The following NCAPD2 variants were observed in gnomAD, a reference collection of about 807,000 sequenced individuals.
The protein encoded by NCAPD2 is condensin complex subunit 1.
In NCAPD2, 100 loss-of-function variants were observed where a neutral mutation model predicts 164.5. The observed-to-expected ratio is 0.61, with a 90% CI of 0.52 to 0.72. NCAPD2 has a LOEUF of 0.72. NCAPD2 is among the 30% of genes least tolerant of loss of function. The pLI, the probability that NCAPD2 is intolerant of heterozygous loss-of-function variation, is 0.00. For synonymous variants in NCAPD2, 585 were observed against 642.6 expected (o/e 0.91, Z 1.36); for missense variants, 1,560 against 1,749.2 (o/e 0.89, Z 1.93).
At chr12:6,504,233 A>ATG (rs1946077772) in intron 2 of NCAPD2, among the ~76,000 whole-genome samples, 2 of 93,650 alleles carry the variant, frequency 2.1e-5, no homozygotes, top group African/African-American at 7.7e-5. Context: ...AGATATATAT[A>ATG]TATATATATA....
At chr12:6,502,650 AAATT>A (rs1946048732) in intron 2 of NCAPD2, among the ~76,000 whole-genome samples, 1 of 152,018 alleles carries the variant, frequency 6.6e-6, no homozygotes, top group East Asian at 1.9e-4. Context: ...GGGGAATAGT[AAATT>A]AAGATAGATA....
At chr12:6,516,688 AC>A (rs1459500478) in intron 9 of NCAPD2, 139 bp from the exon 10 acceptor site, 4 of 817,774 alleles carry the variant, frequency 4.9e-6, no homozygotes, top group Admixed American at 2.7e-5. Context: ...TCTCTGAGCA[AC>A]AAGTCCTCTT....
At position 6,518,516 on chromosome 12, in the gene NCAPD2, T is replaced by G. The variant is rs1013438990; in HGVS notation, c.1589+557T>G. On this transcript the variant is annotated intron_variant, in intron 13 of 31. Transcript: ENST00000315579. ...CAGCCGTCAACAAGTTTTTTTTTTTTTTTTTTTTTTTTTTTTTTGAGATGG... is the reference window on the plus strand; with the variant it reads ...CAGCCGTCAACAAGTTTTTTTTTTTGTTTTTTTTTTTTTTTTTTGAGATGG... Among the ~76,000 whole-genome samples, 20 of 110,402 alleles carry G rather than the reference T, an allele frequency of 1.8e-4. 2 individuals carry two copies. Among genetic ancestry groups the G allele is most frequent in the African/African-American group, 3.8e-4 (10 of 26,316 alleles). The allele number at this position is 110,402 out of a possible 152,430, so 72.4% of individuals were successfully genotyped here.
intron 6 of NCAPD2, 37 bp downstream of exon 6, chr12:6,511,289 G>A: frequency 6.3e-7 from 1 of 1,599,346 alleles, no homozygotes; most frequent in Non-Finnish European, 8.5e-7. Context: ...ATACTGAGCT[G>A]TGAGAGTGAG....
intron 2 of NCAPD2, among the ~76,000 whole-genome samples, chr12:6,504,202 T>TATATATATATATACAC: frequency 4.5e-5 from 1 of 22,024 alleles, no homozygotes; most frequent in South Asian, 9.4e-4. Context: ...TATATATATA[T>TATATATATATATACAC]ATATATATAT....
chr12:6,525,781 T>C (rs1215096547), intron 18 of NCAPD2, 65 bp downstream of exon 18: 11 of 1,580,688 alleles, frequency 7.0e-6, no homozygotes, highest in Non-Finnish European at 6.9e-6. Flanking sequence ...AGGGCTCCTT[T>C]TCCTTCAGTG....
intron 6 of NCAPD2, among the ~76,000 whole-genome samples, chr12:6,513,733 T>G (rs1946173077): frequency 8.0e-6 from 1 of 124,238 alleles, no homozygotes; most frequent in East Asian, 2.7e-4. Context: ...TTTTTTTTTT[T>G]GTGATGGAGT....
chr12:6,517,319 G>A, intron 10 of NCAPD2, 46 bp from the exon 11 acceptor site: 1 of 1,598,834 alleles, frequency 6.3e-7, no homozygotes, highest in African/African-American at 1.3e-5. Context: ...GAACAAAATG[G>A]ATGATGTGGG....
chr12:6,510,156 G>A, intron 4 of NCAPD2, 23 bp downstream of exon 4: 1 of 1,583,070 alleles, frequency 6.3e-7, no homozygotes. Flanking sequence ...CAGGGGGTAG[G>A]GGATGGAAGG....
chr12:6,528,409 T>C lies in NCAPD2; in HGVS notation c.3299+81T>C, dbSNP rs1042501420. On this transcript the variant is annotated intron_variant, in intron 25 of 31. Coordinates refer to ENST00000315579, the MANE Select transcript of NCAPD2 (RefSeq NM_014865.4). This position sits in a 1 kb window ranked among gnomAD's most constrained non-coding sequence, Gnocchi z 5.1. ...GAGTCAGTGTGAGAATCACCAGGGC[T>C]CTTCCCCTAGGCTTTGGCATCACCG... 7.0e-6 allele frequency: 11 copies of C among 1,571,718 alleles called. No homozygotes were observed. Among genetic ancestry groups the C allele is most frequent in the Non-Finnish European group, 9.6e-6 (11 of 1,145,850 alleles).
rs1946183667 is a variant in NCAPD2, at chr12:6,514,763, C to G, written c.840-10C>G. On this transcript the variant is annotated splice_polypyrimidine_tract_variant and intron_variant, in intron 8 of 31. Transcript: ENST00000315579. ...TATGTTGCTATGGCTGTGTTTTCTT[C>G]CCTGTGTAGAGAGATTGGACAAAAG... is the stretch of plus-strand genomic sequence containing the variant. 6.2e-7 allele frequency: 1 copy of G among 1,613,880 alleles called. No individual in the cohort carries two copies.
chr12:6,508,293 A>G (rs981092686), intron 2 of NCAPD2, among the ~76,000 whole-genome samples: 2 of 152,318 alleles, frequency 1.3e-5, no homozygotes, highest in East Asian at 3.9e-4. Flanking sequence ...CTATGTTTGC[A>G]CCACTGCATT....
At chr12:6,505,421 T>C (rs1243147931) in intron 2 of NCAPD2, among the ~76,000 whole-genome samples, 1 of 152,196 alleles carries the variant, frequency 6.6e-6, no homozygotes, top group African/African-American at 2.4e-5. Flanking sequence ...GATTAACATC[T>C]CAGAGTTTTT....
At chr12:6,498,035 G>A (rs1335713666) in intron 2 of NCAPD2, among the ~76,000 whole-genome samples, 3 of 151,716 alleles carry the variant, frequency 2.0e-5, no homozygotes, top group South Asian at 2.1e-4. Flanking sequence ...TCAGCCGCCC[G>A]AGTAGCTGGG....
chr12:6,510,390 A>G (rs752126287), intron 4 of NCAPD2: 3 of 779,588 alleles, frequency 3.8e-6, no homozygotes, highest in African/African-American at 3.4e-5. Flanking sequence ...CCTCTTTTTA[A>G]TAGGGGTGAT....
intron 1 of NCAPD2, 83 bp from the exon 2 acceptor site, chr12:6,494,993 G>C (rs953868129): frequency 6.4e-6 from 9 of 1,401,644 alleles, no homozygotes; most frequent in Non-Finnish European, 8.8e-6. Flanking sequence ...CATTATATAT[G>C]TTGGGGATGG....
At chr12:6,504,228 T>TACATATATAC (rs1159424979) in intron 2 of NCAPD2, among the ~76,000 whole-genome samples, 5 of 55,880 alleles carry the variant, frequency 8.9e-5, no homozygotes, top group African/African-American at 3.6e-4. Flanking sequence ...GATATAGATA[T>TACATATATAC]ATATATATAT....
At chr12:6,496,041 C>A (rs1945979911) in intron 2 of NCAPD2, among the ~76,000 whole-genome samples, 1 of 150,720 alleles carries the variant, frequency 6.6e-6, no homozygotes, top group African/African-American at 2.4e-5. Context: ...TGCTAGATTG[C>A]AACTTCTTTT....
At position 6,531,097 on chromosome 12, in the gene NCAPD2, C is replaced by T. The variant is rs143614501; in HGVS notation, c.4120+21C>T. 1 of 1,612,246 alleles carries T rather than the reference C, an allele frequency of 6.2e-7. No individual in the cohort carries two copies. The highest frequency in any genetic ancestry group is 8.5e-7 in the Non-Finnish European group (1 of 1,179,882). Reference sequence around the variant, plus strand: ...GGAAGGTATGATGCTCCCGCCTGTTCCCGGCCGAGAAGGCACACAGCTAGG... The same window carrying T: ...GGAAGGTATGATGCTCCCGCCTGTTTCCGGCCGAGAAGGCACACAGCTAGG... On this transcript the variant is annotated intron_variant, in intron 31 of 31. Coordinates refer to ENST00000315579, the MANE Select transcript of NCAPD2 (RefSeq NM_014865.4). This position sits in a 1 kb window ranked among gnomAD's most constrained non-coding sequence, Gnocchi z 4.1.
Sources: gnomAD v4.1 joint callset for allele counts (sites outside exome capture counted in the v4.1 genomes callset) on GRCh38, gnomAD v4.1.1 for gene constraint, Gnocchi (gnomAD v3.1) non-coding constraint, MANE v1.5 for transcripts, NCBI Gene and HGNC (gene_info 2026-07-23, HGNC 2026-07-21) for gene names.